Variants in HERC4 observed in about 807,000 individuals in gnomAD.
The protein encoded by HERC4 is probable E3 ubiquitin-protein ligase HERC4.
Under a neutral mutation model 124.3 loss-of-function variants are expected in HERC4, and 28 were observed. The observed-to-expected ratio is 0.23, with a 90% CI of 0.17 to 0.31. The LOEUF (loss-of-function observed/expected upper bound fraction) is 0.31. Ranked by LOEUF, HERC4 falls within the 10% of genes least tolerant of loss-of-function variation. HERC4 has a pLI of 1.00. For synonymous variants in HERC4, 407 were observed against 421.5 expected, an observed-to-expected ratio of 0.97 and a Z score of 0.42; for missense variants, 713 against 1,229.3, an observed-to-expected ratio of 0.58 and a Z score of 6.28.
At chr10:68,010,782 C>T (rs2037903143) in intron 9 of HERC4, 1 of 1,502,684 alleles carries the variant, frequency 6.7e-7, no homozygotes, top group Non-Finnish European at 9.2e-7. Context: ...GTAAGCCCCA[C>T]ATCAGCCTGT....
chr10:68,066,962 A>C (rs1447506005), intron 3 of HERC4: 3 of 152,638 alleles, frequency 2.0e-5, no homozygotes, highest in Admixed American at 6.5e-5. Context: ...AGAAGATATT[A>C]CTGTAAATAA....
At chr10:68,012,183 G>T (rs1042859345) in intron 9 of HERC4, among the ~76,000 whole-genome samples, 3 of 152,054 alleles carry the variant, frequency 2.0e-5, no homozygotes. Flanking sequence ...TTTCTATTCG[G>T]ACTACTAAAA....
chr10:68,020,573 C>T (rs992525462), intron 8 of HERC4, among the ~76,000 whole-genome samples: 3 of 151,630 alleles, frequency 2.0e-5, no homozygotes, highest in Non-Finnish European at 2.9e-5. Context: ...GAGACCACCC[C>T]GGCTAAAAAA....
chr10:67,922,735 TG>T lies in HERC4; in HGVS notation c.*195del, dbSNP rs1251981323. The T allele has an allele frequency of 2.6e-6, 1 of 383,050 alleles. No homozygotes were observed. The highest frequency in any genetic ancestry group is 2.0e-5 in the African/African-American group (1 of 49,568). 23.7% of individuals were successfully genotyped at this position (383,050 alleles called of 1,614,324 possible). On this transcript the variant is annotated 3_prime_UTR_variant, in exon 25 of 25. Coordinates refer to ENST00000373700, the MANE Select transcript of HERC4 (RefSeq NM_015601.4). ...TTAGAAGATGGTCAAAAAAAATCCA[TG>T]GTTCTGTACAATAATATTAACAGTT...
At chr10:68,008,169 T>C (rs2037699015) in intron 9 of HERC4, among the ~76,000 whole-genome samples, 1 of 152,196 alleles carries the variant, frequency 6.6e-6, no homozygotes, top group Non-Finnish European at 1.5e-5. Context: ...TCTCTCTCTC[T>C]GTGCTGAGAT....
intron 20 of HERC4, among the ~76,000 whole-genome samples, chr10:67,940,258 C>T (rs1180953765): frequency 6.6e-6 from 1 of 151,982 alleles, no homozygotes; most frequent in Non-Finnish European, 1.5e-5. Flanking sequence ...ATTTTTAATG[C>T]ATTTTATTTA....
At chr10:68,061,442 A>G (rs1366521150) in intron 3 of HERC4, among the ~76,000 whole-genome samples, 2 of 146,442 alleles carry the variant, frequency 1.4e-5, no homozygotes, top group Non-Finnish European at 3.0e-5. Flanking sequence ...CTGAGGCAGG[A>G]GAATGGCATG....
chr10:67,990,392 A>G lies in HERC4; in HGVS notation c.1452T>C (p.Ala484=). ...TAGGAATAAGATTCTTTTCCAAACT[A>G]GCTGCCACCTATATTTTGACAAAAA... ...DHPQISQQVA[A]SLEKNLIPKL... The change falls in exon 14 of 25, where the codon GCT becomes GCC. Residue 484 remains alanine, a synonymous_variant. Coordinates refer to ENST00000373700, the MANE Select transcript of HERC4 (RefSeq NM_015601.4). 1.3e-6 allele frequency: 2 copies of G among 1,528,370 alleles called. No individual in the cohort carries two copies. The highest frequency in any genetic ancestry group is 4.7e-5 in the East Asian group (2 of 42,196). The allele number at this position is 1,528,370 out of a possible 1,614,324, so 94.7% of individuals were successfully genotyped here. A position where few individuals can be genotyped will look rare whatever the true frequency, so the allele number is the denominator to read the frequency against.
At chr10:68,050,553 G>A (rs958379669) in intron 3 of HERC4, among the ~76,000 whole-genome samples, 7 of 152,098 alleles carry the variant, frequency 4.6e-5, no homozygotes, top group African/African-American at 1.7e-4. Context: ...CTTTGAAAAT[G>A]GATAATGACT....
At chr10:67,936,003 G>A in intron 22 of HERC4, 150 bp downstream of exon 22, 1 of 483,558 alleles carries the variant, frequency 2.1e-6, no homozygotes, top group Non-Finnish European at 3.7e-6. Context: ...AGGGATTTCA[G>A]GAGGAAAAGG....
At chr10:68,010,311 C>T (rs2037866304) in intron 9 of HERC4, 1 of 949,742 alleles carries the variant, frequency 1.1e-6, no homozygotes, top group Non-Finnish European at 1.6e-6. Flanking sequence ...GCCTGGGGTA[C>T]CAAAATGGGA....
intron 4 of HERC4, among the ~76,000 whole-genome samples, chr10:68,040,821 G>A (rs866996657): frequency 6.6e-6 from 1 of 151,122 alleles, no homozygotes; most frequent in Admixed American, 6.6e-5. Context: ...CCCAGGAGGC[G>A]GAAGTTGCAG....
At chr10:67,968,184 G>A (rs1324576906) in intron 15 of HERC4, among the ~76,000 whole-genome samples, 1 of 151,906 alleles carries the variant, frequency 6.6e-6, no homozygotes, top group Non-Finnish European at 1.5e-5. Flanking sequence ...CAGACAGTGA[G>A]GAATAAAAAA....
intron 3 of HERC4, among the ~76,000 whole-genome samples, chr10:68,055,183 C>A (rs1259116269): frequency 6.6e-6 from 1 of 152,132 alleles, no homozygotes; most frequent in African/African-American, 2.4e-5. Context: ...ATGGACTTAA[C>A]AATCATCACA....
intron 22 of HERC4, among the ~76,000 whole-genome samples, chr10:67,935,373 G>C (rs767035462): frequency 2.0e-5 from 3 of 151,960 alleles, no homozygotes; most frequent in African/African-American, 7.3e-5. Context: ...TCTCGTTGTC[G>C]TGACCTCGTG....
rs2034056184 is a variant in HERC4 at position 67,955,091 on chromosome 10, G to C, written c.2065C>G (p.Leu689Val). ...ACAGATTCAATCACTGGGAGAAAAA[G>C]AGAGGAGACATTCTGCCTGTGGGCC... Reference protein sequence around the residue: ...DQAHRQNVSSLFLPVIESVNP... With the variant: ...DQAHRQNVSSVFLPVIESVNP... Residue 689 changes from leucine to valine, a missense_variant, in exon 18 of 25, where the codon CTT becomes GTT. Transcript: ENST00000373700. 3.1e-6 allele frequency: 5 copies of C among 1,591,208 alleles called. No homozygotes were observed. Among genetic ancestry groups the C allele is most frequent in the Non-Finnish European group, 4.3e-6 (5 of 1,171,334 alleles).
At chr10:67,946,324 G>A (rs2033328683) in intron 19 of HERC4, among the ~76,000 whole-genome samples, 1 of 140,468 alleles carries the variant, frequency 7.1e-6, no homozygotes, top group South Asian at 2.3e-4. Flanking sequence ...AAAAGACACA[G>A]ACTAGGTAAA....
chr10:67,995,295 G>A, intron 9 of HERC4: 1 of 455,188 alleles, frequency 2.2e-6, no homozygotes, highest in African/African-American at 2.0e-5. Context: ...CTCATTCACT[G>A]TAGGTTGAAA....
At position 67,922,367 on chromosome 10, in the gene HERC4, G is replaced by C. The variant is rs2030304077; in HGVS notation, c.*564C>G. 6.6e-6 allele frequency: 1 copy of C among 152,160 alleles called. No individual in the cohort carries two copies. The highest frequency in any genetic ancestry group is 1.5e-5 in the Non-Finnish European group (1 of 68,024). The allele number at this position is 152,160 out of a possible 1,614,324, so 9.4% of individuals were successfully genotyped here. A position where few individuals can be genotyped will look rare whatever the true frequency, so the allele number is the denominator to read the frequency against. The stretch of plus-strand genomic sequence containing the variant: ...TTATTCTAGCAAAAAAGAAAAGATA[G>C]TGTTTCCACCATGCTACCTTTTTTT... On this transcript the variant is annotated 3_prime_UTR_variant, in exon 25 of 25. Coordinates refer to ENST00000373700, the MANE Select transcript of HERC4 (RefSeq NM_015601.4).
Sources: gnomAD v4.1 joint callset for allele counts (sites outside exome capture counted in the v4.1 genomes callset) on GRCh38, gnomAD v4.1.1 for gene constraint, MANE v1.5 for transcripts, NCBI Gene and HGNC (gene_info 2026-07-23, HGNC 2026-07-21) for gene names.